Variants in FTCDNL1 observed in about 807,000 individuals in gnomAD.
FTCDNL1 encodes formiminotransferase cyclodeaminase N-terminal like.
Under a neutral mutation model 5.9 loss-of-function variants are expected in FTCDNL1, and 11 were observed. That is an observed-to-expected ratio of 1.87 (90% CI 1.18 to 3.10). The LOEUF is 3.10. Ranked by LOEUF, FTCDNL1 falls within the 30% of genes most tolerant of loss-of-function variation. The pLI, the probability that FTCDNL1 is intolerant of heterozygous loss-of-function variation, is 0.00. For synonymous variants in FTCDNL1, 58 were observed against 24.8 expected (o/e 2.34, Z -3.99); for missense variants, 115 against 65.5 (o/e 1.76, Z -2.61).
At chr2:199,747,066 T>TACAC in the FTCDNL1 span, among the ~76,000 whole-genome samples, 1 of 120,702 alleles carries the variant, frequency 8.3e-6, no homozygotes, top group South Asian at 2.8e-4. Context: ...CACACACACA[T>TACAC]ACACACACAA....
At chr2:199,687,653 G>A in the FTCDNL1 span, among the ~76,000 whole-genome samples, 3 of 152,016 alleles carry the variant, frequency 2.0e-5, no homozygotes, top group East Asian at 5.8e-4. Flanking sequence ...TATGGCCCAG[G>A]GATAGTTTTT....
chr2:199,776,678 C>G (rs568609200), intron 3 of FTCDNL1, among the ~76,000 whole-genome samples: 1 of 152,096 alleles, frequency 6.6e-6, no homozygotes, highest in African/African-American at 2.4e-5. Context: ...GTAGACACTC[C>G]GTAGATAGAG....
At position 199,810,382 on chromosome 2, in the gene FTCDNL1, G is replaced by A. The variant is rs954493241; in HGVS notation, c.*2323C>T. 1.1e-4 allele frequency among the ~76,000 whole-genome samples: 17 copies of A among 152,212 alleles called. No individual in the cohort carries two copies. Among genetic ancestry groups the A allele is most frequent in the South Asian group, 8.3e-4 (4 of 4,828 alleles). On this transcript the variant is annotated 3_prime_UTR_variant, in exon 5 of 5. Transcript: ENST00000420128. ...AACTGGGAAAAGCAAAGGGACTCACGTGTTTTGTGATGATGTGAGTTTGGC... is the reference window on the plus strand; with the variant it reads ...AACTGGGAAAAGCAAAGGGACTCACATGTTTTGTGATGATGTGAGTTTGGC...
chr2:199,816,490 G>A (rs997700159), intron 4 of FTCDNL1, among the ~76,000 whole-genome samples: 3 of 152,006 alleles, frequency 2.0e-5, no homozygotes, highest in African/African-American at 7.3e-5. Flanking sequence ...ATAATCACAG[G>A]GTTGATTTAG....
intron 3 of FTCDNL1, among the ~76,000 whole-genome samples, chr2:199,823,932 T>C (rs1701857380): frequency 6.6e-6 from 1 of 152,248 alleles, no homozygotes; most frequent in Non-Finnish European, 1.5e-5. Flanking sequence ...CAATAGAATG[T>C]TGTTTCATCA....
chr2:199,757,791 T>G (rs889894137), downstream of FTCDNL1, among the ~76,000 whole-genome samples: 2 of 152,184 alleles, frequency 1.3e-5, no homozygotes, highest in Non-Finnish European at 1.5e-5. Flanking sequence ...ACTGTCCAGA[T>G]GGGCATTAAA....
chr2:199,735,972 A>T, the FTCDNL1 span, among the ~76,000 whole-genome samples: 1 of 152,164 alleles, frequency 6.6e-6, no homozygotes, highest in African/African-American at 2.4e-5. Flanking sequence ...TTCCTTTTAT[A>T]GCTATGAATT....
chr2:199,708,293 A>G, the FTCDNL1 span, among the ~76,000 whole-genome samples: 1 of 152,008 alleles, frequency 6.6e-6, no homozygotes, highest in Non-Finnish European at 1.5e-5. Context: ...TATATCATCA[A>G]TTCCTTTCCT....
chr2:199,739,684 AT>A, the FTCDNL1 span, among the ~76,000 whole-genome samples: 2 of 152,240 alleles, frequency 1.3e-5, no homozygotes, highest in Non-Finnish European at 2.9e-5. Context: ...AGCTATGATA[AT>A]ACTAGAGTGA....
At chr2:199,696,382 C>T in the FTCDNL1 span, among the ~76,000 whole-genome samples, 2 of 152,154 alleles carry the variant, frequency 1.3e-5, no homozygotes, top group Non-Finnish European at 2.9e-5. Context: ...TGCCAGCAAC[C>T]TCCCTCCCCC....
At chr2:199,723,730 A>G in the FTCDNL1 span, among the ~76,000 whole-genome samples, 1 of 152,212 alleles carries the variant, frequency 6.6e-6, no homozygotes, top group African/African-American at 2.4e-5. Context: ...CCCAGGGATA[A>G]AGCCAACTTG....
At chr2:199,824,698 A>G (rs955932585) in intron 3 of FTCDNL1, among the ~76,000 whole-genome samples, 2 of 152,256 alleles carry the variant, frequency 1.3e-5, no homozygotes, top group African/African-American at 4.8e-5. Flanking sequence ...CTCAGTAAAT[A>G]GGGAAACCCA....
chr2:199,828,806 T>A (rs746553442), intron 3 of FTCDNL1, among the ~76,000 whole-genome samples: 2 of 152,208 alleles, frequency 1.3e-5, no homozygotes, highest in Non-Finnish European at 2.9e-5. Context: ...CTAAGCACTT[T>A]GTTGATGTTG....
chr2:199,706,789 A>C, the FTCDNL1 span, among the ~76,000 whole-genome samples: 1 of 152,320 alleles, frequency 6.6e-6, no homozygotes, highest in East Asian at 1.9e-4. Context: ...GCCACCCCTG[A>C]ATGTGGCTAC....
At chr2:199,693,678 T>C in the FTCDNL1 span, among the ~76,000 whole-genome samples, 2 of 152,206 alleles carry the variant, frequency 1.3e-5, no homozygotes, top group East Asian at 3.9e-4. Flanking sequence ...CTCAGTATCC[T>C]CATCTGTAAA....
chr2:199,810,507 C>T lies in FTCDNL1; in HGVS notation c.*2198G>A, dbSNP rs1038824713. Among the ~76,000 whole-genome samples, 1 of 152,170 alleles carries T rather than the reference C, an allele frequency of 6.6e-6. No homozygotes were observed. Among genetic ancestry groups the T allele is most frequent in the Non-Finnish European group, 1.5e-5 (1 of 68,038 alleles). ...ACCTGTTGGAGGCACCTCTTTCTTC[C>T]ATCCCCAGCTATACAAGAGGCTGAG... On this transcript the variant is annotated 3_prime_UTR_variant, in exon 5 of 5. Transcript: ENST00000420128.
At chr2:199,821,718 C>G (rs1701704759) in intron 3 of FTCDNL1, among the ~76,000 whole-genome samples, 1 of 152,168 alleles carries the variant, frequency 6.6e-6, no homozygotes, top group African/African-American at 2.4e-5. Context: ...CTGCCTCAGC[C>G]TCCCAAAGTG....
the FTCDNL1 span, among the ~76,000 whole-genome samples, chr2:199,677,318 C>T: frequency 6.6e-6 from 1 of 152,178 alleles, no homozygotes; most frequent in Admixed American, 6.5e-5. Flanking sequence ...TTGCTGATAT[C>T]AATTACTTAG....
the FTCDNL1 span, among the ~76,000 whole-genome samples, chr2:199,674,414 A>C: frequency 6.6e-6 from 1 of 152,184 alleles, no homozygotes; most frequent in Non-Finnish European, 1.5e-5. Flanking sequence ...TGAACTTCAC[A>C]TAGCAGTTTC....
Sources: allele counts gnomAD v4.1 joint callset (sites outside exome capture counted in the v4.1 genomes callset), GRCh38; gene constraint gnomAD v4.1.1; transcripts MANE v1.5; gene names NCBI Gene and HGNC (gene_info 2026-07-23, HGNC 2026-07-21).